Variants in GFRAL observed in about 807,000 individuals in gnomAD.
GFRAL encodes GDNF family receptor alpha-like.
Under a neutral mutation model 45.4 loss-of-function variants are expected in GFRAL, and 36 were observed. That is an observed-to-expected ratio of 0.79 (90% confidence interval 0.61 to 1.05). The LOEUF (loss-of-function observed/expected upper bound fraction) is 1.05, where lower values mean the gene tolerates loss of function less well. Ranked by LOEUF, GFRAL falls within the 50% of genes least tolerant of loss-of-function variation. The pLI is 0.00. For missense variants in GFRAL, 507 were observed against 467.5 expected (o/e 1.08, Z -0.78); for synonymous variants, 166 against 154.1 (o/e 1.08, Z -0.57).
intron 5 of GFRAL, among the ~76,000 whole-genome samples, chr6:55,354,531 C>T (rs887049545): frequency 1.3e-5 from 2 of 151,940 alleles, no homozygotes; most frequent in Non-Finnish European, 2.9e-5. Context: ...TCACTATGTG[C>T]AAATAGTCCC....
intron 6 of GFRAL, among the ~76,000 whole-genome samples, chr6:55,370,707 C>T (rs555395647): frequency 2.2e-4 from 34 of 152,246 alleles, no homozygotes; most frequent in East Asian, 7.7e-4. Flanking sequence ...AATGGCAGGA[C>T]GTGACAGTAG....
rs1581764548 is a variant in GFRAL at position 55,401,861 on chromosome 6, G to C, written c.*8G>C. 6 of 1,415,152 alleles carry C rather than the reference G, an allele frequency of 4.2e-6. No individual in the cohort carries two copies. The highest frequency in any genetic ancestry group is 6.0e-6 in the Non-Finnish European group (6 of 997,908). The allele number at this position is 1,415,152 out of a possible 1,614,324, so 87.7% of individuals were successfully genotyped here. A position where few individuals can be genotyped will look rare whatever the true frequency, so the allele number is the denominator to read the frequency against. ...ATACCTGGAGAACTCTGATTCATTAGGAGTCATGGACCTATAACAATCACT... is the reference window on the plus strand; with the variant it reads ...ATACCTGGAGAACTCTGATTCATTACGAGTCATGGACCTATAACAATCACT... On this transcript the variant is annotated 3_prime_UTR_variant, in exon 9 of 9. Coordinates refer to ENST00000340465, the MANE Select transcript of GFRAL (RefSeq NM_207410.2).
intron 6 of GFRAL, among the ~76,000 whole-genome samples, chr6:55,386,109 GC>G (rs1768678769): frequency 6.6e-6 from 1 of 151,688 alleles, no homozygotes; most frequent in African/African-American, 2.4e-5. Flanking sequence ...TTCTTTCTTT[GC>G]CCTTGAAAAA....
intron 5 of GFRAL, among the ~76,000 whole-genome samples, chr6:55,356,115 T>G (rs1039032514): frequency 2.0e-5 from 3 of 151,978 alleles, no homozygotes; most frequent in Admixed American, 6.6e-5. Flanking sequence ...TTGTTGCATT[T>G]GGTTTGCTAG....
intron 6 of GFRAL, among the ~76,000 whole-genome samples, chr6:55,362,587 G>C (rs1013993410): frequency 2.0e-5 from 3 of 152,130 alleles, no homozygotes; most frequent in Admixed American, 1.3e-4. Context: ...ATAGGGAAAT[G>C]AGAGCCATGG....
chr6:55,340,877 T>A (rs4628087), intron 3 of GFRAL, among the ~76,000 whole-genome samples: 2 of 152,012 alleles, frequency 1.3e-5, no homozygotes, highest in Non-Finnish European at 2.9e-5. Context: ...GGAGATTATA[T>A]CCCGTGCCTG....
intron 3 of GFRAL, among the ~76,000 whole-genome samples, chr6:55,345,306 G>A (rs149825718): frequency 0.013 from 1,992 of 152,178 alleles, 23 homozygotes; most frequent in Non-Finnish European, 0.022. Flanking sequence ...CTACAAGGCA[G>A]TAGTAACCAA....
intron 6 of GFRAL, among the ~76,000 whole-genome samples, chr6:55,368,367 C>A (rs1407044898): frequency 6.6e-6 from 1 of 150,452 alleles, no homozygotes; most frequent in Non-Finnish European, 1.5e-5. Flanking sequence ...AAGTTTTCAA[C>A]TTCTTTGCCT....
intron 6 of GFRAL, among the ~76,000 whole-genome samples, chr6:55,381,835 CTCTT>C (rs369108868): frequency 3.3e-5 from 5 of 151,892 alleles, no homozygotes; most frequent in Non-Finnish European, 5.9e-5. Flanking sequence ...CTCTCTCTCT[CTCTT>C]TCTTTCCCTG....
At chr6:55,339,314 G>A (rs530401221) in intron 3 of GFRAL, among the ~76,000 whole-genome samples, 44 of 152,150 alleles carry the variant, frequency 2.9e-4, no homozygotes, top group Non-Finnish European at 5.6e-4. Flanking sequence ...TGGAATATTC[G>A]AGTTAGGAAT....
At chr6:55,389,185 A>G (rs1768716380) in intron 6 of GFRAL, among the ~76,000 whole-genome samples, 1 of 152,126 alleles carries the variant, frequency 6.6e-6, no homozygotes, top group African/African-American at 2.4e-5. Context: ...AGATTATTTC[A>G]TCACCCAGGT....
At chr6:55,373,586 CCTCT>C (rs774015950) in intron 6 of GFRAL, among the ~76,000 whole-genome samples, 3 of 151,252 alleles carry the variant, frequency 2.0e-5, no homozygotes, top group Non-Finnish European at 1.5e-5. Flanking sequence ...CACCTCTGTG[CCTCT>C]CTCTCTCTCA....
chr6:55,354,790 A>T (rs1194203900), intron 5 of GFRAL, among the ~76,000 whole-genome samples: 1 of 152,020 alleles, frequency 6.6e-6, no homozygotes, highest in African/African-American at 2.4e-5. Flanking sequence ...TAGGCAAAAC[A>T]GGGCACTTCA....
intron 6 of GFRAL, among the ~76,000 whole-genome samples, chr6:55,396,188 T>A (rs985808383): frequency 6.6e-6 from 1 of 152,176 alleles, no homozygotes; most frequent in Non-Finnish European, 1.5e-5. Context: ...GTGCAATATT[T>A]AAGATTGTGG....
intron 6 of GFRAL, among the ~76,000 whole-genome samples, chr6:55,359,363 CTCTT>C (rs71679725): frequency 0.16 from 24,733 of 151,860 alleles, 2,306 homozygotes; most frequent in African/African-American, 0.25. Flanking sequence ...TGATAGGTCA[CTCTT>C]AATTATCATT....
rs374653588 is a variant in GFRAL, at chr6:55,327,561, G to A, written c.7G>A (p.Val3Met). 1.1e-5 allele frequency: 17 copies of A among 1,612,752 alleles called. No individual in the cohort carries two copies. The highest frequency in any genetic ancestry group is 8.5e-7 in the Non-Finnish European group (1 of 1,179,170). ...CTGCCGTGAGTTGTCCAGCATGATA[G>A]TGTTTATTTTCTTGGGTAAGTGAAT... MI[V>M]FIFLAMGLSL... The change falls in exon 1 of 9, where the codon GTG becomes ATG. Residue 3 changes from valine (V) to methionine (M), a missense_variant. By Grantham distance (21) the Val-to-Met change is conservative. Coordinates refer to ENST00000340465, the MANE Select transcript of GFRAL (RefSeq NM_207410.2).
chr6:55,370,077 T>G (rs898888601), intron 6 of GFRAL, among the ~76,000 whole-genome samples: 1 of 152,158 alleles, frequency 6.6e-6, no homozygotes, highest in Non-Finnish European at 1.5e-5. Flanking sequence ...CCATTCTTCC[T>G]CAACTGGATA....
chr6:55,339,398 C>T (rs1465858548), intron 3 of GFRAL, among the ~76,000 whole-genome samples: 1 of 152,036 alleles, frequency 6.6e-6, no homozygotes, highest in Non-Finnish European at 1.5e-5. Flanking sequence ...CCTCATCAAG[C>T]TGGCATTGGG....
Position 55,401,924 on chromosome 6 carries a change from C to A in GFRAL, c.*71C>A. 1.2e-6 allele frequency: 1 copy of A among 834,318 alleles called. No homozygotes were observed. Among genetic ancestry groups the A allele is most frequent in the South Asian group, 1.5e-5 (1 of 68,484 alleles). 51.7% of individuals were successfully genotyped at this position (834,318 alleles called of 1,614,324 possible). ...TTTCTTCTTTCCTCTTTTCTTCTCT[C>A]CTCTCCTCTCCTCTCTTCTCCTCTC... On this transcript the variant is annotated 3_prime_UTR_variant, in exon 9 of 9. Coordinates refer to ENST00000340465, the MANE Select transcript of GFRAL (RefSeq NM_207410.2).
Sources: allele counts gnomAD v4.1 joint callset (sites outside exome capture counted in the v4.1 genomes callset), GRCh38; gene constraint gnomAD v4.1.1; transcripts MANE v1.5; gene names NCBI Gene and HGNC (gene_info 2026-07-23, HGNC 2026-07-21).